Variants in SMOC2 observed in about 807,000 individuals in gnomAD.
SMOC2 encodes SPARC related modular calcium binding 2, also known as SPARC-related modular calcium-binding protein 2.
In SMOC2, 39 loss-of-function variants were observed where a neutral mutation model predicts 61.4. The ratio of observed to expected loss-of-function variants is 0.64; its 90% CI spans 0.49 to 0.83. The LOEUF (loss-of-function observed/expected upper bound fraction) is 0.83, where lower values mean the gene tolerates loss of function less well. Ranked by LOEUF, SMOC2 falls within the 40% of genes least tolerant of loss-of-function variation. SMOC2 has a pLI of 0.00. For synonymous variants in SMOC2, 247 were observed against 239.9 expected, an observed-to-expected ratio of 1.03 and a Z score of -0.27; for missense variants, 556 against 592.9, an observed-to-expected ratio of 0.94 and a Z score of 0.65.
intron 1 of SMOC2, among the ~76,000 whole-genome samples, chr6:168,477,382 A>G (rs530530707): frequency 6.6e-6 from 1 of 152,334 alleles, no homozygotes; most frequent in South Asian, 2.1e-4. Context: ...ATGAAAAGGT[A>G]TATTTGGGCT....
chr6:168,625,749 G>A (rs941450605), intron 9 of SMOC2, among the ~76,000 whole-genome samples: 17 of 152,320 alleles, frequency 1.1e-4, no homozygotes, highest in South Asian at 8.3e-4. Flanking sequence ...AAGCAAATGC[G>A]CCTGTCCACA....
intron 1 of SMOC2, among the ~76,000 whole-genome samples, chr6:168,502,046 C>T (rs1223782341): frequency 3.3e-5 from 5 of 152,194 alleles, no homozygotes; most frequent in Admixed American, 3.3e-4. Context: ...TAATTTAGCT[C>T]CCTTTTTACT....
chr6:168,579,328 T>C (rs1784874975), intron 7 of SMOC2, among the ~76,000 whole-genome samples: 1 of 152,274 alleles, frequency 6.6e-6, no homozygotes, highest in Non-Finnish European at 1.5e-5. Context: ...CCTCTGGCTA[T>C]TGGCTTATGC....
intron 1 of SMOC2, among the ~76,000 whole-genome samples, chr6:168,487,898 A>G (rs1481634010): frequency 2.6e-5 from 4 of 152,200 alleles, no homozygotes; most frequent in African/African-American, 9.6e-5. Context: ...TTACATGTAT[A>G]TTCTATATGT....
rs879143685 is a variant in SMOC2, at chr6:168,546,995, G to A, written c.512-124G>A. ...CAGCATCGCGTTGGGTCTGTGTGGG[G>A]TTGCTGTTGTGGTTGATCTGTGGGG... On this transcript the variant is annotated intron_variant, in intron 5 of 12. Coordinates refer to ENST00000356284, the MANE Select transcript of SMOC2 (RefSeq NM_001166412.2). 1.2e-5 allele frequency: 14 copies of A among 1,141,122 alleles called. No homozygotes were observed. The South Asian group carries it at 1.6e-4, about 13-fold the overall frequency. The allele number at this position is 1,141,122 out of a possible 1,614,324, so 70.7% of individuals were successfully genotyped here.
intron 1 of SMOC2, among the ~76,000 whole-genome samples, chr6:168,503,535 T>A (rs989685972): frequency 1.3e-5 from 2 of 152,178 alleles, no homozygotes; most frequent in African/African-American, 2.4e-5. Flanking sequence ...GTTTTCTTCA[T>A]GGTACTCGTC....
intron 1 of SMOC2, among the ~76,000 whole-genome samples, chr6:168,444,147 C>T (rs1781279208): frequency 6.6e-6 from 1 of 152,218 alleles, no homozygotes; most frequent in Admixed American, 6.5e-5. Context: ...CAGAGCACAC[C>T]ACTTGGCTCT....
intron 11 of SMOC2, among the ~76,000 whole-genome samples, chr6:168,656,953 G>A (rs995239917): frequency 2.6e-5 from 4 of 152,216 alleles, no homozygotes; most frequent in Admixed American, 6.5e-5. Context: ...CCGGCCATCC[G>A]ATGAGGTCAG....
At chr6:168,577,391 C>A (rs1193450182) in intron 7 of SMOC2, among the ~76,000 whole-genome samples, 1 of 152,238 alleles carries the variant, frequency 6.6e-6, no homozygotes, top group African/African-American at 2.4e-5. Context: ...CTCTGTAAGA[C>A]TCTGCTGGCA....
chr6:168,543,574 C>T (rs752371074), intron 4 of SMOC2, 51 bp from the exon 5 acceptor site: 2 of 1,494,576 alleles, frequency 1.3e-6, no homozygotes, highest in Admixed American at 3.4e-5. Flanking sequence ...TTGTGATGGC[C>T]ATTTAAGAGT....
At chr6:168,641,495 G>A (rs541150441) in intron 9 of SMOC2, among the ~76,000 whole-genome samples, 1 of 152,342 alleles carries the variant, frequency 6.6e-6, no homozygotes, top group East Asian at 1.9e-4. Flanking sequence ...TTGTCCTTGA[G>A]AAATGTAGGA....
intron 9 of SMOC2, among the ~76,000 whole-genome samples, chr6:168,617,679 T>C (rs1000845053): frequency 6.6e-6 from 1 of 152,154 alleles, no homozygotes; most frequent in Non-Finnish European, 1.5e-5. Context: ...CTGATCCCCA[T>C]CCATGCAGCA....
At chr6:168,512,486 T>A (rs1157431142) in intron 2 of SMOC2, among the ~76,000 whole-genome samples, 1 of 152,214 alleles carries the variant, frequency 6.6e-6, no homozygotes. Flanking sequence ...ATTCACTGAT[T>A]AACCTCAATA....
intron 7 of SMOC2, among the ~76,000 whole-genome samples, chr6:168,568,891 A>T (rs2092937): frequency 0.56 from 85,313 of 152,058 alleles, 24,178 homozygotes; most frequent in Middle Eastern, 0.68. Context: ...GATCACTCAT[A>T]TCTTCTTAGT....
chr6:168,572,868 T>C (rs1368994656), intron 7 of SMOC2, among the ~76,000 whole-genome samples: 81 of 55,170 alleles, frequency 1.5e-3, no homozygotes, highest in East Asian at 3.2e-3. Context: ...TGCCCGCATC[T>C]CCGGGTGCTG....
intron 1 of SMOC2, among the ~76,000 whole-genome samples, chr6:168,460,899 T>TG (rs200641072): frequency 0.29 from 44,168 of 152,096 alleles, 8,303 homozygotes; most frequent in African/African-American, 0.52. Flanking sequence ...GTAATCACTA[T>TG]CAAACTGGGT....
At chr6:168,504,394 C>T (rs1310425491) in intron 1 of SMOC2, among the ~76,000 whole-genome samples, 2 of 149,362 alleles carry the variant, frequency 1.3e-5, no homozygotes, top group East Asian at 3.9e-4. Context: ...TAGATGGTCC[C>T]ATCTTGGGGA....
At chr6:168,563,760 G>A (rs1784478745) in intron 7 of SMOC2, among the ~76,000 whole-genome samples, 1 of 152,174 alleles carries the variant, frequency 6.6e-6, no homozygotes, top group Non-Finnish European at 1.5e-5. Context: ...CCTTGATCTT[G>A]AGCTTCTAGC....
In SMOC2 at chr6:168,667,659, C is replaced by G. The variant is rs2115299822; in HGVS notation, c.*1221C>G. ...GTGTCTTAAGGAACCATTTGGAGGA[C>G]AGTCTGAGAGCAGGAACTTCAAGCT... On this transcript the variant is annotated 3_prime_UTR_variant, in exon 13 of 13. Coordinates refer to ENST00000356284, the MANE Select transcript of SMOC2 (RefSeq NM_001166412.2). 1 of 152,324 alleles carries G rather than the reference C, an allele frequency of 6.6e-6. No homozygotes were observed. The highest frequency in any genetic ancestry group is 1.9e-4 in the East Asian group (1 of 5,176). The allele number at this position is 152,324 out of a possible 1,614,324, so 9.4% of individuals were successfully genotyped here.
Sources: allele counts gnomAD v4.1 joint callset (sites outside exome capture counted in the v4.1 genomes callset), GRCh38; gene constraint gnomAD v4.1.1; transcripts MANE v1.5; gene names NCBI Gene and HGNC (gene_info 2026-07-23, HGNC 2026-07-21).